Variants in AADAT observed in about 807,000 individuals in gnomAD.
The protein encoded by AADAT is kynurenine/alpha-aminoadipate aminotransferase, mitochondrial.
Under a neutral mutation model 56.2 loss-of-function variants are expected in AADAT, and 25 were observed. That is an observed-to-expected ratio of 0.44 (90% CI 0.32 to 0.62). The LOEUF (loss-of-function observed/expected upper bound fraction) is 0.62. AADAT is among the 20% of genes least tolerant of loss of function. The pLI, the probability that AADAT is intolerant of heterozygous loss-of-function variation, is 0.04. For missense variants in AADAT, 387 were observed against 510.5 expected, an observed-to-expected ratio of 0.76 and a Z score of 2.33; for synonymous variants, 173 against 164.7, an observed-to-expected ratio of 1.05 and a Z score of -0.39.
At chr4:170,080,973 A>G (rs1005722904) in intron 3 of AADAT, among the ~76,000 whole-genome samples, 3 of 152,204 alleles carry the variant, frequency 2.0e-5, no homozygotes, top group African/African-American at 7.2e-5. Flanking sequence ...GACTGATCCT[A>G]ACAAGATGGC....
At chr4:170,082,590 A>C (rs1581593045) in intron 3 of AADAT, among the ~76,000 whole-genome samples, 1 of 152,140 alleles carries the variant, frequency 6.6e-6, no homozygotes, top group East Asian at 1.9e-4. Flanking sequence ...TATCAATAAT[A>C]ACACTGAATG....
At chr4:170,091,425 C>T (rs143078293), upstream of AADAT, among the ~76,000 whole-genome samples, 151 of 152,324 alleles carry the variant, frequency 9.9e-4, no homozygotes, top group East Asian at 0.021. Flanking sequence ...GGCTCACCGG[C>T]GCTACCTTCG....
At chr4:170,079,999 T>C (rs549162978) in intron 3 of AADAT, among the ~76,000 whole-genome samples, 72 of 152,226 alleles carry the variant, frequency 4.7e-4, no homozygotes, top group African/African-American at 1.7e-3. Flanking sequence ...AGGAGGACAC[T>C]GCAAGGAAGG....
intron 9 of AADAT, among the ~76,000 whole-genome samples, chr4:170,066,803 C>A (rs1353494519): frequency 1.4e-4 from 21 of 152,074 alleles, no homozygotes; most frequent in Admixed American, 1.4e-3. Context: ...GGATAAAAGA[C>A]AATACTATTG....
intron 5 of AADAT, among the ~76,000 whole-genome samples, chr4:170,072,788 A>G (rs1731838546): frequency 6.6e-6 from 1 of 152,212 alleles, no homozygotes; most frequent in Non-Finnish European, 1.5e-5. Flanking sequence ...TAAGATGACA[A>G]GGAGTAGGAA....
intron 3 of AADAT, among the ~76,000 whole-genome samples, chr4:170,080,769 C>G (rs143770718): frequency 6.6e-6 from 1 of 152,262 alleles, no homozygotes; most frequent in Non-Finnish European, 1.5e-5. Flanking sequence ...AACAAGGAAG[C>G]AGTGACCCAA....
chr4:170,061,469 C>A (rs547661148), intron 12 of AADAT, among the ~76,000 whole-genome samples: 2 of 152,264 alleles, frequency 1.3e-5, no homozygotes, highest in East Asian at 3.9e-4. Flanking sequence ...TTTCCACATA[C>A]ACAGCTTATT....
At chr4:170,071,076 C>A (rs1356247419) in intron 5 of AADAT, among the ~76,000 whole-genome samples, 2 of 152,188 alleles carry the variant, frequency 1.3e-5, no homozygotes, top group Non-Finnish European at 2.9e-5. Context: ...CCACACCTAG[C>A]TAATTTTTGT....
At chr4:170,068,475 A>G in intron 8 of AADAT, 116 bp downstream of exon 8, 1 of 681,340 alleles carries the variant, frequency 1.5e-6, no homozygotes, top group Non-Finnish European at 2.4e-6. Context: ...GTCTGCAAAG[A>G]AGGCAAACTA....
At chr4:170,068,529 T>C in intron 8 of AADAT, 62 bp downstream of exon 8, 5 of 1,295,288 alleles carry the variant, frequency 3.9e-6, no homozygotes, top group Non-Finnish European at 5.4e-6. Flanking sequence ...CTACCATCTA[T>C]TATTTTTTTA....
chr4:170,070,974 G>A (rs747052900), intron 5 of AADAT, among the ~76,000 whole-genome samples: 5 of 152,238 alleles, frequency 3.3e-5, no homozygotes, highest in African/African-American at 4.8e-5. Flanking sequence ...GTGCAGTGGC[G>A]CGATCTTGGC....
In AADAT at chr4:170,074,368, C is replaced by A. The variant is rs903190842; in HGVS notation, c.445-1023G>T. ...GCCCTTGCCCCCTTCCTGACTCCCC[C>A]CAGCAGTCAGCCTCAGTATCTTTTG... On this transcript the variant is annotated intron_variant, in intron 4 of 12. Coordinates refer to ENST00000337664, the MANE Select transcript of AADAT (RefSeq NM_016228.4). 1.2e-4 allele frequency among the ~76,000 whole-genome samples: 19 copies of A among 152,054 alleles called. No homozygotes were observed. The Middle Eastern group carries it at 0.01, about 82-fold the overall frequency.
At chr4:170,082,788 G>A (rs58350646) in intron 3 of AADAT, among the ~76,000 whole-genome samples, 1 of 151,776 alleles carries the variant, frequency 6.6e-6, no homozygotes, top group East Asian at 1.9e-4. Context: ...GCTACACTTA[G>A]AAAAAATAGA....
upstream of AADAT, among the ~76,000 whole-genome samples, chr4:170,091,969 T>G (rs1329516170): frequency 3.3e-5 from 5 of 152,160 alleles, no homozygotes; most frequent in Non-Finnish European, 7.3e-5. Flanking sequence ...GCACTCTGTA[T>G]CTAACTAATC....
chr4:170,090,210 AGCCCAGGGGCTG>A (rs1184009795), upstream of AADAT: 1 of 152,420 alleles, frequency 6.6e-6, no homozygotes, highest in African/African-American at 2.4e-5. Flanking sequence ...CCCAGAGGCT[AGCCCAGGGGCTG>A]ACCGAGGGGA....
At chr4:170,085,364 A>G (rs1367288947) in intron 3 of AADAT, among the ~76,000 whole-genome samples, 1 of 152,176 alleles carries the variant, frequency 6.6e-6, no homozygotes, top group African/African-American at 2.4e-5. Flanking sequence ...ATCCTAAATT[A>G]GAAGGGAAGG....
intron 8 of AADAT, among the ~76,000 whole-genome samples, chr4:170,068,028 A>G (rs752399247): frequency 2.0e-5 from 3 of 151,270 alleles, no homozygotes; most frequent in East Asian, 2.0e-4. Flanking sequence ...AATCCCAGCT[A>G]CTCGAGAGGC....
chr4:170,078,655 T>G, intron 3 of AADAT, 72 bp from the exon 4 acceptor site: 1 of 1,089,582 alleles, frequency 9.2e-7, no homozygotes, highest in Non-Finnish European at 1.3e-6. Flanking sequence ...AGAAGCCCAT[T>G]TTTTAGTTTG....
At chr4:170,086,233 G>A (rs1732554419) in intron 3 of AADAT, among the ~76,000 whole-genome samples, 2 of 151,142 alleles carry the variant, frequency 1.3e-5, no homozygotes, top group South Asian at 2.1e-4. Context: ...GTGACAGGGT[G>A]AGACCCTGTC....
Sources: gnomAD v4.1 joint callset for allele counts (sites outside exome capture counted in the v4.1 genomes callset) on GRCh38, gnomAD v4.1.1 for gene constraint, MANE v1.5 for transcripts, NCBI Gene and HGNC (gene_info 2026-07-23, HGNC 2026-07-21) for gene names.